The following PTPRT variants were observed in gnomAD, a reference collection of about 807,000 sequenced individuals.
The protein encoded by PTPRT is protein tyrosine phosphatase receptor type T.
In PTPRT, 56 loss-of-function variants were observed where a neutral mutation model predicts 176.8. The observed-to-expected ratio is 0.32, with a 90% CI of 0.26 to 0.40. The LOEUF (loss-of-function observed/expected upper bound fraction) is 0.40, where lower values mean the gene tolerates loss of function less well. PTPRT is among the 10% of genes least tolerant of loss of function. PTPRT has a pLI of 1.00. For synonymous variants in PTPRT, 783 were observed against 739.0 expected (o/e 1.06, Z -0.96); for missense variants, 1,540 against 1,908.2 (o/e 0.81, Z 3.60).
chr20:42,281,320 C>A lies in PTPRT; in HGVS notation c.2176+1169G>T, dbSNP rs6030104. Among the ~76,000 whole-genome samples, 1,214 of 152,206 alleles carry A rather than the reference C, an allele frequency of 8.0e-3. 19 individuals carry two copies. Among genetic ancestry groups the A allele is most frequent in the African/African-American group, 0.028 (1,159 of 41,514 alleles). On this transcript the variant is annotated intron_variant, in intron 13 of 30. Coordinates refer to ENST00000373187, the MANE Select transcript of PTPRT (RefSeq NM_007050.6). ...AGGGAACAAGTTAGGGACATGTCAC[C>A]CTCTGTGACTCATGTGAAATCATGG... is the stretch of plus-strand genomic sequence containing the variant.
chr20:42,540,646 G>T (rs1215801032), intron 7 of PTPRT, among the ~76,000 whole-genome samples: 3 of 152,164 alleles, frequency 2.0e-5, no homozygotes, highest in Non-Finnish European at 4.4e-5. Context: ...TTGGCAAAGT[G>T]TTGGGGCTGA....
intron 7 of PTPRT, among the ~76,000 whole-genome samples, chr20:42,479,636 G>GT (rs1189470449): frequency 6.6e-6 from 1 of 152,156 alleles, no homozygotes; most frequent in Non-Finnish European, 1.5e-5. Context: ...ACAAGAATTT[G>GT]TTGAATACTA....
intron 1 of PTPRT, among the ~76,000 whole-genome samples, chr20:43,043,743 C>G (rs935319253): frequency 1.3e-5 from 2 of 152,144 alleles, no homozygotes; most frequent in African/African-American, 2.4e-5. Context: ...TCCAGTCCAG[C>G]CTTCCTATTT....
intron 25 of PTPRT, among the ~76,000 whole-genome samples, chr20:42,104,089 T>A (rs544900455): frequency 6.6e-6 from 1 of 152,296 alleles, no homozygotes; most frequent in South Asian, 2.1e-4. Context: ...GCCCCCAATG[T>A]GATGGTATTA....
chr20:43,181,565 T>C (rs1469771306), intron 1 of PTPRT, among the ~76,000 whole-genome samples: 1 of 152,156 alleles, frequency 6.6e-6, no homozygotes, highest in Non-Finnish European at 1.5e-5. Context: ...GTGGCAAAAT[T>C]CTTTTTAATT....
At chr20:43,035,483 T>C (rs1986340261) in intron 1 of PTPRT, among the ~76,000 whole-genome samples, 2 of 152,318 alleles carry the variant, frequency 1.3e-5, no homozygotes, top group South Asian at 4.1e-4. Context: ...AGGTGGTAAG[T>C]TGGACGTGGT....
chr20:42,481,142 G>C (rs2071377464), intron 7 of PTPRT, among the ~76,000 whole-genome samples: 1 of 151,976 alleles, frequency 6.6e-6, no homozygotes, highest in East Asian at 1.9e-4. Context: ...TGTAGCCATA[G>C]ACAACATGTA....
intron 1 of PTPRT, among the ~76,000 whole-genome samples, chr20:42,896,926 C>A (rs2145904179): frequency 6.6e-6 from 1 of 152,224 alleles, no homozygotes; most frequent in Non-Finnish European, 1.5e-5. Flanking sequence ...GAATGTAAAC[C>A]AGCCTTCCAT....
At chr20:42,428,917 C>A (rs35762999) in intron 9 of PTPRT, among the ~76,000 whole-genome samples, 3 of 152,164 alleles carry the variant, frequency 2.0e-5, no homozygotes, top group South Asian at 2.1e-4. Flanking sequence ...TCCAAAACTG[C>A]GCCTTTACTC....
intron 1 of PTPRT, among the ~76,000 whole-genome samples, chr20:43,124,260 T>G (rs1265579021): frequency 1.3e-5 from 2 of 152,240 alleles, no homozygotes; most frequent in African/African-American, 4.8e-5. Flanking sequence ...GATTTGAAAT[T>G]TATGAGCTAA....
In PTPRT at chr20:42,544,800, T is replaced by A. The variant is rs148892805; in HGVS notation, c.1154-72238A>T. Among the ~76,000 whole-genome samples, 1,012 of 152,224 alleles carry A rather than the reference T, an allele frequency of 6.6e-3. 12 individuals carry two copies. Among genetic ancestry groups the A allele is most frequent in the African/African-American group, 0.023 (958 of 41,532 alleles). ...AGCTTTTAAGAATAACAGACATGGGTCTTCTTTTTTTATTTAAAAACATTT... is the reference window on the plus strand; with the variant it reads ...AGCTTTTAAGAATAACAGACATGGGACTTCTTTTTTTATTTAAAAACATTT... On this transcript the variant is annotated intron_variant, in intron 7 of 30. Coordinates refer to ENST00000373187, the MANE Select transcript of PTPRT (RefSeq NM_007050.6).
chr20:42,593,520 G>A (rs180724224), intron 7 of PTPRT, among the ~76,000 whole-genome samples: 371 of 152,266 alleles, frequency 2.4e-3, no homozygotes, highest in South Asian at 0.019. Flanking sequence ...CTGAGCTGGC[G>A]AGCTCATTTA....
At chr20:42,587,144 G>A (rs1223891765) in intron 7 of PTPRT, among the ~76,000 whole-genome samples, 1 of 152,202 alleles carries the variant, frequency 6.6e-6, no homozygotes, top group East Asian at 1.9e-4. Flanking sequence ...GGACATGGCA[G>A]AGGAGTCAGC....
chr20:42,757,946 C>T (rs1046564628), intron 5 of PTPRT, among the ~76,000 whole-genome samples: 19 of 152,282 alleles, frequency 1.2e-4, no homozygotes, highest in African/African-American at 4.6e-4. Flanking sequence ...TTGTATAAAT[C>T]TTCATTGTGT....
Position 42,468,534 on chromosome 20 carries a change from T to A in PTPRT, c.1450+3732A>T, listed in dbSNP as rs62204869. Among the ~76,000 whole-genome samples the A allele has an allele frequency of 8.0e-3, 1,221 of 152,364 alleles. 11 individuals are homozygous for A. The highest frequency in any genetic ancestry group is 0.014 in the Middle Eastern group (4 of 294). On this transcript the variant is annotated intron_variant, in intron 8 of 30. Coordinates refer to ENST00000373187, the MANE Select transcript of PTPRT (RefSeq NM_007050.6). ...TAATGATAATGTCCACACATCTCCA[T>A]AGAGCAGGAATTGATGCTTTATTAA...
At chr20:43,003,771 G>T (rs1984715029) in intron 1 of PTPRT, among the ~76,000 whole-genome samples, 1 of 152,134 alleles carries the variant, frequency 6.6e-6, no homozygotes, top group Non-Finnish European at 1.5e-5. Flanking sequence ...CAAGCTCCCA[G>T]ATGATTCATA....
intron 1 of PTPRT, among the ~76,000 whole-genome samples, chr20:42,982,613 A>C (rs570725985): frequency 6.6e-6 from 1 of 152,228 alleles, no homozygotes; most frequent in Non-Finnish European, 1.5e-5. Flanking sequence ...GAAGGTGACC[A>C]GTGTAGATGG....
At chr20:42,239,370 T>A (rs2056306195) in intron 14 of PTPRT, among the ~76,000 whole-genome samples, 3 of 151,902 alleles carry the variant, frequency 2.0e-5, no homozygotes, top group Admixed American at 2.0e-4. Context: ...AGTAACTGGA[T>A]TTGATAGCAA....
At chr20:42,505,345 A>G (rs1040019686) in intron 7 of PTPRT, among the ~76,000 whole-genome samples, 3 of 152,122 alleles carry the variant, frequency 2.0e-5, no homozygotes, top group Admixed American at 2.0e-4. Flanking sequence ...TCTGTCTCCC[A>G]GGCTGGAGTG....
Sources: gnomAD v4.1 joint callset for allele counts (sites outside exome capture counted in the v4.1 genomes callset) on GRCh38, gnomAD v4.1.1 for gene constraint, MANE v1.5 for transcripts, NCBI Gene and HGNC (gene_info 2026-07-23, HGNC 2026-07-21) for gene names.